The following LRRTM4 variants were observed in gnomAD, a reference collection of about 807,000 sequenced individuals.
LRRTM4 encodes leucine rich repeat transmembrane neuronal 4, also known as leucine-rich repeat transmembrane neuronal protein 4.
Under a neutral mutation model 47.6 loss-of-function variants are expected in LRRTM4, and 25 were observed. The ratio of observed to expected loss-of-function variants is 0.53; its 90% CI spans 0.38 to 0.73. The LOEUF is 0.73. Among genes scored for constraint, LRRTM4 ranks in the 30% least tolerant of loss-of-function variants. The pLI, the probability that LRRTM4 is intolerant of heterozygous loss-of-function variation, is 0.00. For synonymous variants in LRRTM4, 311 were observed against 269.5 expected (o/e 1.15, Z -1.51); for missense variants, 638 against 713.4 (o/e 0.89, Z 1.20).
chr2:77,389,477 T>C (rs999203640), intron 3 of LRRTM4, among the ~76,000 whole-genome samples: 9 of 152,068 alleles, frequency 5.9e-5, no homozygotes, highest in Admixed American at 4.6e-4. Flanking sequence ...CTTCAAACAG[T>C]TGATTATCAG....
chr2:77,063,518 A>AT (rs1679860118), intron 3 of LRRTM4, among the ~76,000 whole-genome samples: 2 of 152,144 alleles, frequency 1.3e-5, no homozygotes, highest in African/African-American at 4.8e-5. Flanking sequence ...GCTTTTTTTA[A>AT]TGATATCAAT....
chr2:77,108,127 A>C (rs1176566787), intron 3 of LRRTM4, among the ~76,000 whole-genome samples: 1 of 152,114 alleles, frequency 6.6e-6, no homozygotes, highest in East Asian at 1.9e-4. Flanking sequence ...AAAATATTTA[A>C]ATTAGGGAGA....
At chr2:76,934,188 A>G (rs1272790345) in intron 3 of LRRTM4, among the ~76,000 whole-genome samples, 1 of 152,206 alleles carries the variant, frequency 6.6e-6, no homozygotes, top group Non-Finnish European at 1.5e-5. Flanking sequence ...TTTCTTCAGC[A>G]ATATCACTAT....
intron 3 of LRRTM4, among the ~76,000 whole-genome samples, chr2:77,054,372 T>A: frequency 6.6e-6 from 1 of 152,198 alleles, no homozygotes; most frequent in Non-Finnish European, 1.5e-5. Context: ...TAAAACTGTT[T>A]TCCAGCAGCA....
intron 3 of LRRTM4, among the ~76,000 whole-genome samples, chr2:76,863,171 G>A (rs373858245): frequency 2.4e-4 from 36 of 152,136 alleles, no homozygotes; most frequent in African/African-American, 8.2e-4. Context: ...AAAATTTTAC[G>A]GAGAGAGAAA....
chr2:77,204,382 GATA>G (rs1341487573), intron 3 of LRRTM4, among the ~76,000 whole-genome samples: 4 of 152,100 alleles, frequency 2.6e-5, no homozygotes, highest in South Asian at 4.2e-4. Flanking sequence ...TGATGATGGT[GATA>G]ATGATGATGA....
intron 3 of LRRTM4, among the ~76,000 whole-genome samples, chr2:77,363,084 A>G (rs920645687): frequency 6.6e-6 from 1 of 152,220 alleles, no homozygotes; most frequent in Non-Finnish European, 1.5e-5. Context: ...AGGGTTAAGC[A>G]ACAAAGGTGA....
At chr2:77,333,529 G>C (rs1671046204) in intron 3 of LRRTM4, among the ~76,000 whole-genome samples, 1 of 152,194 alleles carries the variant, frequency 6.6e-6, no homozygotes. Context: ...CCCTGTCCTA[G>C]GGTGCAAGCC....
intron 3 of LRRTM4, among the ~76,000 whole-genome samples, chr2:77,379,419 C>A (rs1178789889): frequency 1.3e-5 from 2 of 152,122 alleles, no homozygotes; most frequent in Admixed American, 6.6e-5. Context: ...ACTCTCTCCT[C>A]CAATTATATC....
chr2:76,910,306 T>C (rs1558732401), intron 3 of LRRTM4, among the ~76,000 whole-genome samples: 2 of 124,212 alleles, frequency 1.6e-5, no homozygotes, highest in African/African-American at 6.2e-5. Flanking sequence ...TGAGAACACA[T>C]GGACACAGGA....
At chr2:77,196,873 G>T (rs944867418) in intron 3 of LRRTM4, among the ~76,000 whole-genome samples, 1 of 152,120 alleles carries the variant, frequency 6.6e-6, no homozygotes, top group East Asian at 1.9e-4. Context: ...ATAATTTGTT[G>T]AAATGTCAGG....
chr2:77,325,725 C>A (rs1016506717), intron 3 of LRRTM4, among the ~76,000 whole-genome samples: 4 of 152,066 alleles, frequency 2.6e-5, no homozygotes, highest in African/African-American at 7.2e-5. Context: ...GCTTTCAGTT[C>A]TTTGTACTAT....
chr2:76,897,050 G>T (rs111245109), intron 3 of LRRTM4, among the ~76,000 whole-genome samples: 1 of 151,900 alleles, frequency 6.6e-6, no homozygotes, highest in Non-Finnish European at 1.5e-5. Context: ...ACGGACACTC[G>T]TAGCTTATTT....
intron 3 of LRRTM4, among the ~76,000 whole-genome samples, chr2:77,221,917 C>G (rs1674647145): frequency 6.6e-6 from 1 of 152,112 alleles, no homozygotes; most frequent in Non-Finnish European, 1.5e-5. Flanking sequence ...TTTTCAGCAC[C>G]ACACCACACT....
At chr2:77,207,794 G>C (rs975538056) in intron 3 of LRRTM4, among the ~76,000 whole-genome samples, 1 of 150,434 alleles carries the variant, frequency 6.6e-6, no homozygotes, top group African/African-American at 2.5e-5. Context: ...TTTTCCATTG[G>C]GATGGAAGAG....
intron 3 of LRRTM4, among the ~76,000 whole-genome samples, chr2:77,410,274 T>C (rs538846287): frequency 1.3e-5 from 2 of 152,138 alleles, no homozygotes; most frequent in Admixed American, 6.5e-5. Context: ...AACTAGAGTC[T>C]GATATTGGGA....
At chr2:76,759,466 C>A (rs562861444) in intron 3 of LRRTM4, among the ~76,000 whole-genome samples, 1 of 152,218 alleles carries the variant, frequency 6.6e-6, no homozygotes, top group South Asian at 2.1e-4. Flanking sequence ...GCCCACTGAC[C>A]TTTTAGAGAC....
intron 3 of LRRTM4, among the ~76,000 whole-genome samples, chr2:77,280,585 G>A (rs1173055429): frequency 6.6e-6 from 1 of 151,974 alleles, no homozygotes; most frequent in Non-Finnish European, 1.5e-5. Context: ...GGTTAAGGGT[G>A]TAATTTTGAA....
chr2:77,020,933 G>A (rs939793850), intron 3 of LRRTM4, among the ~76,000 whole-genome samples: 1 of 152,118 alleles, frequency 6.6e-6, no homozygotes, highest in East Asian at 1.9e-4. Context: ...GATTGACTTC[G>A]AAGTTTCGAA....
Sources: allele counts gnomAD v4.1 joint callset (sites outside exome capture counted in the v4.1 genomes callset), GRCh38; gene constraint gnomAD v4.1.1; transcripts MANE v1.5; gene names NCBI Gene and HGNC (gene_info 2026-07-23, HGNC 2026-07-21).